The following NFASC variants were observed in gnomAD, a reference collection of about 807,000 sequenced individuals.
NFASC encodes the protein neurofascin.
In NFASC, 43 loss-of-function variants were observed where a neutral mutation model predicts 147.5. The observed-to-expected ratio is 0.29, with a 90% CI of 0.23 to 0.38. The LOEUF (loss-of-function observed/expected upper bound fraction) is 0.38, where lower values mean the gene tolerates loss of function less well. Among genes scored for constraint, NFASC ranks in the 10% least tolerant of loss-of-function variants. The pLI is 1.00. For missense variants in NFASC, 1,320 were observed against 1,689.0 expected, an observed-to-expected ratio of 0.78 and a Z score of 3.83; for synonymous variants, 622 against 665.5, an observed-to-expected ratio of 0.93 and a Z score of 1.01.
At chr1:204,927,613 T>C (rs2091852889) in intron 2 of NFASC, among the ~76,000 whole-genome samples, 1 of 152,094 alleles carries the variant, frequency 6.6e-6, no homozygotes, top group African/African-American at 2.4e-5. Context: ...TAAAAAATAC[T>C]CTCTACCACC....
In NFASC at chr1:204,979,225, G is replaced by A. The variant is rs1192904522; in HGVS notation, c.1979-137G>A. On this transcript the variant is annotated intron_variant, in intron 18 of 29. Coordinates refer to ENST00000339876, the MANE Select transcript of NFASC (RefSeq NM_001005388.3). The surrounding 1 kb of genome is among the most constrained non-coding windows in gnomAD (Gnocchi z 6.0). ...CAGAGGCCTTGGTGTCTCTTCCTGT[G>A]CCTTGGGAAGAATTCTCCTTGTGCC... The A allele has an allele frequency of 1.0e-6, 1 of 959,556 alleles. No individual in the cohort carries two copies. Among genetic ancestry groups the A allele is most frequent in the Non-Finnish European group, 1.6e-6 (1 of 615,658 alleles). The allele number at this position is 959,556 out of a possible 1,614,324, so 59.4% of individuals were successfully genotyped here.
chr1:204,899,369 G>C (rs11240306), intron 1 of NFASC, among the ~76,000 whole-genome samples: 13,564 of 152,172 alleles, frequency 0.089, 1,681 homozygotes, highest in African/African-American at 0.27. Context: ...TCATAGCCCT[G>C]GCAAGAGAGG....
chr1:205,012,635 A>G (rs2096273982), intron 28 of NFASC, 162 bp from the exon 29 acceptor site: 5 of 659,252 alleles, frequency 7.6e-6, no homozygotes, highest in Non-Finnish European at 1.4e-5. Context: ...CTGATTGAGT[A>G]CAGGAAGCAA....
At chr1:204,937,885 A>G (rs1293347539) in intron 2 of NFASC, among the ~76,000 whole-genome samples, 1 of 152,222 alleles carries the variant, frequency 6.6e-6, no homozygotes, top group African/African-American at 2.4e-5. Context: ...TCTCTTGTCC[A>G]TGCATGTGTT....
In NFASC at chr1:204,979,273, G is replaced by A; in HGVS notation, c.1979-89G>A. On this transcript the variant is annotated intron_variant, in intron 18 of 29. Transcript: ENST00000339876. This position sits in a 1 kb window ranked among gnomAD's most constrained non-coding sequence, Gnocchi z 6.0. ...GCCTTTGTGTGAGAGAGATTATAAAGATCAATGGAAGCCAAGAAGGAAGTG... is the reference window on the plus strand; with the variant it reads ...GCCTTTGTGTGAGAGAGATTATAAAAATCAATGGAAGCCAAGAAGGAAGTG... 1 of 1,161,698 alleles carries A rather than the reference G, an allele frequency of 8.6e-7. No individual in the cohort carries two copies. Among genetic ancestry groups the A allele is most frequent in the Non-Finnish European group, 1.3e-6 (1 of 770,548 alleles). 72.0% of individuals were successfully genotyped at this position (1,161,698 alleles called of 1,614,324 possible). A position where few individuals can be genotyped will look rare whatever the true frequency, so the allele number is the denominator to read the frequency against.
chr1:204,954,444 T>C lies in NFASC; in HGVS notation c.412+60T>C. The C allele has an allele frequency of 6.6e-7, 1 of 1,521,498 alleles. No homozygotes were observed. Among genetic ancestry groups the C allele is most frequent in the Non-Finnish European group, 9.0e-7 (1 of 1,115,004 alleles). The allele number at this position is 1,521,498 out of a possible 1,614,324, so 94.2% of individuals were successfully genotyped here. The stretch of plus-strand genomic sequence containing the variant: ...TCCTGGGTAAATGGAGAGTGGGGGG[T>C]GTGGAAGGCCATTCCAGAAGGGCTG... On this transcript the variant is annotated intron_variant, in intron 6 of 29. Coordinates refer to ENST00000339876, the MANE Select transcript of NFASC (RefSeq NM_001005388.3). This position sits in a 1 kb window ranked among gnomAD's most constrained non-coding sequence, Gnocchi z 5.7.
At position 204,991,320 on chromosome 1, in the gene NFASC, C is replaced by T. The variant is rs767760147; in HGVS notation, c.2782+14C>T. The T allele has an allele frequency of 5.3e-5, 85 of 1,611,624 alleles. No homozygotes were observed. Among genetic ancestry groups the T allele is most frequent in the South Asian group, 4.2e-4 (38 of 90,488 alleles). On this transcript the variant is annotated intron_variant, in intron 24 of 29. Transcript: ENST00000339876. Reference sequence around the variant, plus strand: ...CTCCAACCGCAGGTACCGTACCAGCCGCGGAGGTAATGGGCATGGCATGGG... The same window carrying T: ...CTCCAACCGCAGGTACCGTACCAGCTGCGGAGGTAATGGGCATGGCATGGG...
intron 24 of NFASC, among the ~76,000 whole-genome samples, chr1:204,996,647 G>C (rs1192900832): frequency 1.3e-5 from 2 of 152,230 alleles, no homozygotes; most frequent in Non-Finnish European, 2.9e-5. Flanking sequence ...TTGGGTGGCT[G>C]TTTGGGCTCA....
At chr1:204,946,188 C>A (rs565434917) in intron 3 of NFASC, 1 of 402,210 alleles carries the variant, frequency 2.5e-6, no homozygotes, top group East Asian at 7.4e-5. Flanking sequence ...CAAGCCTTTG[C>A]TAGCTTAGAG....
intron 25 of NFASC, 155 bp downstream of exon 25, chr1:204,997,561 T>A: frequency 1.1e-6 from 1 of 878,986 alleles, no homozygotes; most frequent in Non-Finnish European, 1.8e-6. Flanking sequence ...CACCCGTGAC[T>A]GGATGCTCAG....
intron 28 of NFASC, 93 bp from the exon 29 acceptor site, chr1:205,012,704 G>T: frequency 2.1e-6 from 2 of 934,684 alleles, no homozygotes; most frequent in South Asian, 2.6e-5. Context: ...GCCCAGGGCG[G>T]TGCCTTCTGG....
At chr1:204,940,179 G>A (rs773547164) in intron 2 of NFASC, among the ~76,000 whole-genome samples, 14 of 152,158 alleles carry the variant, frequency 9.2e-5, no homozygotes, top group South Asian at 2.1e-4. Context: ...AAAGCCGGGC[G>A]CGATGGCTCA....
At chr1:204,976,200 C>G (rs914213282) in intron 15 of NFASC, among the ~76,000 whole-genome samples, 8 of 147,914 alleles carry the variant, frequency 5.4e-5, no homozygotes, top group African/African-American at 1.7e-4. Flanking sequence ...TGCTCTGTGG[C>G]CTCCCCTCTC....
chr1:204,987,535 TG>T lies in NFASC; in HGVS notation c.2590del (p.Ala864ProfsTer7). 1 of 1,614,156 alleles carries T rather than the reference TG, an allele frequency of 6.2e-7. No homozygotes were observed. The highest frequency in any genetic ancestry group is 8.5e-7 in the Non-Finnish European group (1 of 1,180,008). On this transcript the variant is annotated frameshift_variant, in exon 22 of 30. Coordinates refer to ENST00000339876, the MANE Select transcript of NFASC (RefSeq NM_001005388.3). LOFTEE classifies it high-confidence loss of function. This position sits in a 1 kb window ranked among gnomAD's most constrained non-coding sequence, Gnocchi z 4.4. ...ATGATTGGATACACTCTCAAATATG[TG>T]GCCTGTACGTTCTGCCCTTCCCTTT... ...GIMIGYTLKY[V>X]AFNGTKVGKQ...
intron 8 of NFASC, among the ~76,000 whole-genome samples, chr1:204,959,481 T>C (rs1313927112): frequency 6.6e-6 from 1 of 152,230 alleles, no homozygotes; most frequent in Non-Finnish European, 1.5e-5. Context: ...AAGGACAGTG[T>C]AGTCTGCCCA....
At chr1:204,910,793 T>G (rs375904714) in intron 1 of NFASC, among the ~76,000 whole-genome samples, 20 of 151,832 alleles carry the variant, frequency 1.3e-4, no homozygotes, top group African/African-American at 4.8e-4. Flanking sequence ...TGTGAGCCAC[T>G]TTGCCTGGCC....
chr1:204,975,345 G>T lies in NFASC; in HGVS notation c.1633G>T (p.Val545Leu), dbSNP rs775439683. The T allele has an allele frequency of 2.5e-6, 4 of 1,613,986 alleles. No homozygotes were observed. In the African/African-American group the frequency reaches 4.0e-5, roughly 16 times the overall value. Reference sequence around the variant, plus strand: ...CACCACGGTGCAGCTGGAGTGTCGGGTGAAGCACGACCCCTCCCTGAAACT... The same window carrying T: ...CACCACGGTGCAGCTGGAGTGTCGGTTGAAGCACGACCCCTCCCTGAAACT... ...RGTTVQLECR[V>L]KHDPSLKLTV... The change falls in exon 15 of 30, where the codon GTG (valine) becomes TTG (leucine). Residue 545 changes from valine to leucine, a missense_variant. Around this residue, in one of 3 missense-constraint regions of NFASC, gnomAD observed 981 missense variants for 1,289.5 expected, o/e 0.76. Coordinates refer to ENST00000339876, the MANE Select transcript of NFASC (RefSeq NM_001005388.3). The surrounding 1 kb of genome is among the most constrained non-coding windows in gnomAD (Gnocchi z 4.0).
rs143449434 is a variant in NFASC at position 204,852,455 on chromosome 1, G to A, written c.-200+23673G>A. 1.2e-4 allele frequency among the ~76,000 whole-genome samples: 18 copies of A among 152,328 alleles called. 1 individual carries two copies. In the East Asian group the frequency reaches 2.1e-3, roughly 18 times the overall value. On this transcript the variant is annotated intron_variant, in intron 1 of 29. Transcript: ENST00000339876. ...ACAGAGGTGGCAGTGAGCTGAGATC[G>A]CGCCACTGCACTCCAACCTGGGTGA... is the stretch of plus-strand genomic sequence containing the variant.
intron 1 of NFASC, among the ~76,000 whole-genome samples, chr1:204,880,347 A>G (rs1246732953): frequency 6.6e-6 from 1 of 151,944 alleles, no homozygotes; most frequent in East Asian, 1.9e-4. Flanking sequence ...TGTAATGTTT[A>G]ATTTCTTTTT....
Sources: gnomAD v4.1 joint callset for allele counts (sites outside exome capture counted in the v4.1 genomes callset) on GRCh38, gnomAD v4.1.1 for gene constraint, gnomAD v4.1.1 regional missense constraint, Gnocchi (gnomAD v3.1) non-coding constraint, MANE v1.5 for transcripts, NCBI Gene and HGNC (gene_info 2026-07-23, HGNC 2026-07-21) for gene names.